ATXN1: variants seen among roughly 807,000 people sequenced by gnomAD.
ATXN1 encodes the protein ataxin-1.
Under a neutral mutation model 56.4 loss-of-function variants are expected in ATXN1, and 8 were observed. The observed-to-expected ratio is 0.14, with a 90% CI of 0.08 to 0.26. The LOEUF (loss-of-function observed/expected upper bound fraction) is 0.26, where lower values mean the gene tolerates loss of function less well. Among genes scored for constraint, ATXN1 ranks in the 10% least tolerant of loss-of-function variants. The probability of loss-of-function intolerance (pLI) is 1.00; values close to 1 mark genes in which losing one functional copy is unlikely to be tolerated. For missense variants in ATXN1, 987 were observed against 1,106.5 expected (o/e 0.89, Z 1.53); for synonymous variants, 514 against 494.6 (o/e 1.04, Z -0.52).
At position 16,306,974 on chromosome 6, in the gene ATXN1, G is replaced by C. The variant is rs988911929; in HGVS notation, c.1918-115C>G. 1 of 1,207,190 alleles carries C rather than the reference G, an allele frequency of 8.3e-7. No individual in the cohort carries two copies. The highest frequency in any genetic ancestry group is 1.1e-6 in the Non-Finnish European group (1 of 885,916). The allele number at this position is 1,207,190 out of a possible 1,614,324, so 74.8% of individuals were successfully genotyped here. The stretch of plus-strand genomic sequence containing the variant: ...GTATGAACTCACACAGACACACACA[G>C]GCTGAATGGGGGAAAATGACTCAGT... On this transcript the variant is annotated intron_variant, in intron 7 of 7. Transcript: ENST00000436367. The surrounding 1 kb of genome is among the most constrained non-coding windows in gnomAD (Gnocchi z 5.2).
intron 3 of ATXN1, among the ~76,000 whole-genome samples, chr6:16,592,739 G>C (rs1342027018): frequency 2.0e-5 from 3 of 151,944 alleles, no homozygotes; most frequent in African/African-American, 7.3e-5. Context: ...TGCGGTGACT[G>C]TTACAGCTCT....
chr6:16,746,531 G>A (rs554826900), intron 2 of ATXN1, among the ~76,000 whole-genome samples: 17 of 152,316 alleles, frequency 1.1e-4, no homozygotes, highest in Non-Finnish European at 1.6e-4. Context: ...CAGAGCTTCT[G>A]CACTCCTCTT....
chr6:16,327,401 C>T lies in ATXN1; in HGVS notation c.910G>A (p.Glu304Lys). 6.2e-7 allele frequency: 1 copy of T among 1,613,706 alleles called. No individual in the cohort carries two copies. Among genetic ancestry groups the T allele is most frequent in the East Asian group, 2.2e-5 (1 of 44,876 alleles). The change falls in exon 7 of 8, where the codon GAG becomes AAG. Residue 304 changes from glutamate to lysine, a missense_variant. Glu to Lys is a moderately conservative substitution (Grantham distance 56). Around this residue, in one of 3 missense-constraint regions of ATXN1, gnomAD observed 723 missense variants for 791.7 expected, o/e 0.91. Coordinates refer to ENST00000436367, the MANE Select transcript of ATXN1 (RefSeq NM_001128164.2). ...CTGCTCTCAGCTTTCTTGGTGGCCT[C>T]CCGAGGGACAAAGTGGCTGCCGGAG... ...ADSGSHFVPR[E>K]ATKKAESSRL...
intron 6 of ATXN1, among the ~76,000 whole-genome samples, chr6:16,451,265 C>A (rs996798220): frequency 3.9e-5 from 6 of 152,262 alleles, no homozygotes; most frequent in Admixed American, 2.0e-4. Context: ...GTCAGGAATT[C>A]GAGACAAGCC....
chr6:16,630,738 T>C (rs887633413), intron 3 of ATXN1, among the ~76,000 whole-genome samples: 1 of 152,198 alleles, frequency 6.6e-6, no homozygotes, highest in Non-Finnish European at 1.5e-5. Flanking sequence ...AAAGAGATAA[T>C]GATACTTGTC....
chr6:16,315,775 G>A lies in ATXN1; in HGVS notation c.1918-8916C>T, dbSNP rs142568310. 4.3e-3 allele frequency among the ~76,000 whole-genome samples: 656 copies of A among 152,178 alleles called. 6 individuals are homozygous for A. The highest frequency in any genetic ancestry group is 0.015 in the African/African-American group (621 of 41,512). ...CCTCGTGGGCTCAAGATATCTTCCT[G>A]CCTCAGCCGCCTGAGTAGTTGGGAC... is the stretch of plus-strand genomic sequence containing the variant. On this transcript the variant is annotated intron_variant, in intron 7 of 7. Coordinates refer to ENST00000436367, the MANE Select transcript of ATXN1 (RefSeq NM_001128164.2).
chr6:16,339,831 G>A (rs1761205056), intron 6 of ATXN1, among the ~76,000 whole-genome samples: 1 of 152,206 alleles, frequency 6.6e-6, no homozygotes, highest in Admixed American at 6.5e-5. Context: ...TCACCATGCT[G>A]TAGTGCAGTG....
chr6:16,553,415 T>C (rs1480697822), intron 4 of ATXN1, among the ~76,000 whole-genome samples: 1 of 152,146 alleles, frequency 6.6e-6, no homozygotes, highest in Non-Finnish European at 1.5e-5. Context: ...CAGTTGTCAC[T>C]CCAGGATGCT....
chr6:16,570,523 T>C (rs1346948132), intron 4 of ATXN1, among the ~76,000 whole-genome samples: 2 of 152,204 alleles, frequency 1.3e-5, no homozygotes, highest in Non-Finnish European at 2.9e-5. Context: ...AAATATGTAT[T>C]CTGCCTAAGA....
chr6:16,736,306 G>A (rs150096770), intron 2 of ATXN1, among the ~76,000 whole-genome samples: 68 of 152,254 alleles, frequency 4.5e-4, no homozygotes, highest in African/African-American at 1.5e-3. Flanking sequence ...CTGAAAGAAC[G>A]AAATTAAGGC....
At chr6:16,398,570 T>C (rs780334364) in intron 6 of ATXN1, among the ~76,000 whole-genome samples, 1 of 152,206 alleles carries the variant, frequency 6.6e-6, no homozygotes, top group Non-Finnish European at 1.5e-5. Flanking sequence ...GCACTCTCTA[T>C]ATACACATAC....
At chr6:16,431,527 C>T (rs1759283865) in intron 6 of ATXN1, among the ~76,000 whole-genome samples, 1 of 152,164 alleles carries the variant, frequency 6.6e-6, no homozygotes, top group Admixed American at 6.5e-5. Flanking sequence ...CTGAAGAAAG[C>T]TGCCTTGATT....
chr6:16,640,986 T>C (rs1228023324), intron 3 of ATXN1, among the ~76,000 whole-genome samples: 1 of 152,224 alleles, frequency 6.6e-6, no homozygotes, highest in Admixed American at 6.5e-5. Flanking sequence ...GTTGCTGATA[T>C]GGACAAAGTT....
intron 5 of ATXN1, among the ~76,000 whole-genome samples, chr6:16,491,277 A>ATTTTTTTTT (rs57395401): frequency 2.3e-5 from 3 of 132,218 alleles, no homozygotes; most frequent in Admixed American, 7.7e-5. Flanking sequence ...TATTATTATT[A>ATTTTTTTTT]TTTTTTTTTT....
chr6:16,318,996 C>T (rs1760582572), intron 7 of ATXN1, among the ~76,000 whole-genome samples: 1 of 152,090 alleles, frequency 6.6e-6, no homozygotes, highest in African/African-American at 2.4e-5. Context: ...GCGGGAGGAT[C>T]ACATGAGCTC....
chr6:16,569,211 T>C (rs1490065958), intron 4 of ATXN1, among the ~76,000 whole-genome samples: 1 of 151,818 alleles, frequency 6.6e-6, no homozygotes, highest in East Asian at 1.9e-4. Context: ...CAGACCCGGG[T>C]GGTTTAAAAG....
intron 6 of ATXN1, among the ~76,000 whole-genome samples, chr6:16,426,529 C>T (rs59406771): frequency 0.018 from 2,751 of 152,042 alleles, 65 homozygotes; most frequent in African/African-American, 0.052. Context: ...GGAGTAAAAG[C>T]GCCAAGCCAT....
chr6:16,420,831 CTCTCTCTCTCTG>C (rs1759016967), intron 6 of ATXN1, among the ~76,000 whole-genome samples: 2 of 152,140 alleles, frequency 1.3e-5, no homozygotes, highest in Non-Finnish European at 1.5e-5. Context: ...CAGATTCTCT[CTCTCTCTCTCTG>C]TCTCTCTCTC....
chr6:16,437,719 T>C (rs1226128911), intron 6 of ATXN1, among the ~76,000 whole-genome samples: 1 of 152,254 alleles, frequency 6.6e-6, no homozygotes, highest in Non-Finnish European at 1.5e-5. Context: ...TATTCCCTTT[T>C]GTTCCAGCCC....
Sources: allele counts gnomAD v4.1 joint callset (sites outside exome capture counted in the v4.1 genomes callset), GRCh38; gene constraint gnomAD v4.1.1; regional missense constraint gnomAD v4.1.1; non-coding constraint Gnocchi (gnomAD v3.1); transcripts MANE v1.5; gene names NCBI Gene and HGNC (gene_info 2026-07-23, HGNC 2026-07-21).